The following ERICH1 variants were observed in gnomAD, a reference collection of about 807,000 sequenced individuals.
ERICH1 encodes the protein glutamate-rich protein 1.
ERICH1 carries 56 observed loss-of-function variants against 39.6 expected under a neutral mutation model. That is an observed-to-expected ratio of 1.41 (90% CI 1.14 to 1.77). ERICH1 has a LOEUF of 1.77. Ranked by LOEUF, ERICH1 falls within the 40% of genes most tolerant of loss-of-function variation. The pLI is 0.00. For synonymous variants in ERICH1, 313 were observed against 223.6 expected (o/e 1.40, Z -3.57); for missense variants, 826 against 575.4 (o/e 1.44, Z -4.45).
chr8:683,115 G>T (rs533002552), intron 3 of ERICH1, among the ~76,000 whole-genome samples: 1 of 152,228 alleles, frequency 6.6e-6, no homozygotes, highest in East Asian at 1.9e-4. Context: ...TCACAGACGC[G>T]GACACTCCGG....
At chr8:695,787 T>A (rs117664921) in intron 2 of ERICH1, among the ~76,000 whole-genome samples, 10,891 of 113,680 alleles carry the variant, frequency 0.096, 202 homozygotes, top group Non-Finnish European at 0.13. Flanking sequence ...TTCCTCCCCA[T>A]CAACCTGCAC....
chr8:632,739 G>A (rs1275611394), intron 3 of ERICH1, among the ~76,000 whole-genome samples: 2 of 152,220 alleles, frequency 1.3e-5, no homozygotes, highest in East Asian at 1.9e-4. Flanking sequence ...CAGGTGAAAT[G>A]GACAAAAATT....
At chr8:656,308 C>T (rs1280827651) in intron 3 of ERICH1, among the ~76,000 whole-genome samples, 1 of 152,224 alleles carries the variant, frequency 6.6e-6, no homozygotes, top group Non-Finnish European at 1.5e-5. Flanking sequence ...CTGCAAGTCA[C>T]CTGTGGGGTA....
chr8:614,879 C>G (rs1168970424), exon 4 of ERICH1: 1 of 217,422 alleles, frequency 4.6e-6, no homozygotes, highest in East Asian at 9.7e-5. Context: ...AACAACCCAC[C>G]CAGCCAATTA....
At chr8:669,702 C>T (rs570194223) in intron 4 of ERICH1, among the ~76,000 whole-genome samples, 13 of 152,394 alleles carry the variant, frequency 8.5e-5, no homozygotes, top group African/African-American at 3.1e-4. Context: ...AAAGCAAGCT[C>T]TCTATGTCCA....
intron 2 of ERICH1, among the ~76,000 whole-genome samples, chr8:702,517 C>A (rs1167695808): frequency 6.6e-6 from 1 of 152,176 alleles, no homozygotes; most frequent in African/African-American, 2.4e-5. Flanking sequence ...CAGGCACCTC[C>A]CACCTCCAGC....
chr8:631,546 GGTGTGTCCTGAGAATTTC>G (rs1798039957), intron 3 of ERICH1, among the ~76,000 whole-genome samples: 1 of 152,260 alleles, frequency 6.6e-6, no homozygotes, highest in East Asian at 1.9e-4. Context: ...TTGAGGCCTG[GGTGTGTCCTGAGAATTTC>G]GGTCTCTCCT....
In ERICH1 at chr8:641,860, G is replaced by A. The variant is rs115289184; in HGVS notation, c.977-26576C>T. Among the ~76,000 whole-genome samples the A allele has an allele frequency of 6.5e-3, 997 of 152,300 alleles. 7 individuals carry two copies. The highest frequency in any genetic ancestry group is 0.023 in the African/African-American group (948 of 41,548). ...GGCTCTGTGCTGGCCAAAACCCCAC[G>A]GTGCCTCTGGCCGTATGCAGTCCTT... On this transcript the variant is annotated intron_variant, in intron 3 of 3. Transcript: ENST00000522706.
chr8:726,707 T>C (rs1349336074), intron 1 of ERICH1, among the ~76,000 whole-genome samples: 5 of 146,660 alleles, frequency 3.4e-5, no homozygotes, highest in African/African-American at 1.3e-4. Flanking sequence ...CACACACATG[T>C]ACACACACAG....
In ERICH1 at chr8:645,003, T is replaced by A. The variant is rs1163889299; in HGVS notation, c.976+23595A>T. Among the ~76,000 whole-genome samples the A allele has an allele frequency of 4.3e-5, 3 of 69,176 alleles. 1 individual carries two copies. Among genetic ancestry groups the A allele is most frequent in the African/African-American group, 1.1e-4 (3 of 27,494 alleles). The allele number at this position is 69,176 out of a possible 152,430, so 45.4% of individuals were successfully genotyped here. ...ATGAGATCCTTCTCCTCCCACGGGC[T>A]GGTCACTGCTGTAATCTCTCCTCTT... is the stretch of plus-strand genomic sequence containing the variant. On this transcript the variant is annotated intron_variant, in intron 3 of 3. Coordinates refer to the ERICH1 transcript ENST00000522706.
intron 1 of ERICH1, among the ~76,000 whole-genome samples, chr8:724,500 T>G (rs1442025649): frequency 6.6e-6 from 1 of 152,014 alleles, no homozygotes; most frequent in Non-Finnish European, 1.5e-5. Context: ...CCCAGGGGCT[T>G]CCGGAGAGGC....
intron 3 of ERICH1, among the ~76,000 whole-genome samples, chr8:633,265 A>G (rs111675819): frequency 1.0e-3 from 152 of 152,318 alleles, no homozygotes; most frequent in African/African-American, 3.5e-3. Flanking sequence ...TCAAGCACAA[A>G]GAGGCACAGC....
chr8:661,453 G>T (rs1563200897), downstream of ERICH1, among the ~76,000 whole-genome samples: 1 of 152,102 alleles, frequency 6.6e-6, no homozygotes, highest in East Asian at 1.9e-4. Context: ...GATATTCTGT[G>T]TTTTTTTCCT....
chr8:668,798 TA>T lies in ERICH1; in HGVS notation c.1064-7del, dbSNP rs1339102064. The T allele has an allele frequency of 6.3e-7, 1 of 1,583,160 alleles. No homozygotes were observed. The highest frequency in any genetic ancestry group is 8.6e-7 in the Non-Finnish European group (1 of 1,166,350). ...AGCTGCATCTCTGGAGACACCTACA[TA>T]AAGTCAGTTTTGCTTGGAAATACAG... On this transcript the variant is annotated splice_region_variant and splice_polypyrimidine_tract_variant and intron_variant, in intron 4 of 5. Coordinates refer to ENST00000262109, the MANE Select transcript of ERICH1 (RefSeq NM_207332.3).
intron 2 of ERICH1, among the ~76,000 whole-genome samples, chr8:712,455 A>C (rs1257537790): frequency 6.6e-6 from 1 of 152,034 alleles, no homozygotes; most frequent in African/African-American, 2.4e-5. Context: ...TTTGAGACGG[A>C]GTCTTGCTCT....
intron 1 of ERICH1, among the ~76,000 whole-genome samples, chr8:729,920 G>C (rs551281818): frequency 6.6e-6 from 1 of 152,270 alleles, no homozygotes; most frequent in East Asian, 1.9e-4. Flanking sequence ...TTGAAGGAAT[G>C]TAAGAGAAGA....
chr8:622,292 G>A (rs13255189), intron 3 of ERICH1, among the ~76,000 whole-genome samples: 33,659 of 152,008 alleles, frequency 0.22, 4,043 homozygotes, highest in East Asian at 0.48. Flanking sequence ...CCATTTATAT[G>A]TTGAAACTCA....
intron 1 of ERICH1, chr8:725,672 C>G (rs12680173): frequency 2.0e-5 from 3 of 152,994 alleles, no homozygotes; most frequent in Non-Finnish European, 2.9e-5. Flanking sequence ...TACCGCATCT[C>G]TTCATCCCCA....
intron 3 of ERICH1, among the ~76,000 whole-genome samples, chr8:622,609 G>C (rs1797355215): frequency 6.6e-6 from 1 of 152,084 alleles, no homozygotes; most frequent in Non-Finnish European, 1.5e-5. Context: ...AGTCCAAACA[G>C]ACTACCCTTG....
Sources: gnomAD v4.1 joint callset for allele counts (sites outside exome capture counted in the v4.1 genomes callset) on GRCh38, gnomAD v4.1.1 for gene constraint, MANE v1.5 for transcripts, NCBI Gene and HGNC (gene_info 2026-07-23, HGNC 2026-07-21) for gene names.